A4GNT: variants seen among roughly 807,000 people sequenced by gnomAD.
The protein encoded by A4GNT is alpha-1,4-N-acetylglucosaminyltransferase.
A neutral mutation model predicts 8.3 loss-of-function variants in A4GNT; 6 were observed. The observed-to-expected ratio is 0.72, with a 90% CI of 0.39 to 1.42. A4GNT has a LOEUF of 1.42. Ranked by LOEUF, A4GNT falls within the 40% of genes most tolerant of loss-of-function variation. A4GNT has a pLI of 0.02. For missense variants in A4GNT, 377 were observed against 417.0 expected, an observed-to-expected ratio of 0.90 and a Z score of 0.84; for synonymous variants, 157 against 159.8, an observed-to-expected ratio of 0.98 and a Z score of 0.13.
intron 2 of A4GNT, among the ~76,000 whole-genome samples, chr3:138,125,205 G>C (rs114994687): frequency 5.4e-4 from 82 of 152,230 alleles, no homozygotes; most frequent in African/African-American, 1.6e-3. Context: ...CACTGTATGA[G>C]TCATTCTTCA....
chr3:138,126,984 T>C (rs1465333184), intron 2 of A4GNT, among the ~76,000 whole-genome samples: 2 of 147,576 alleles, frequency 1.4e-5, no homozygotes, highest in East Asian at 4.1e-4. Context: ...CCAAAAAAAA[T>C]AGCCAGGCAT....
chr3:138,123,863 C>T lies in A4GNT; in HGVS notation c.*401G>A, dbSNP rs2042728630. The T allele has an allele frequency of 5.9e-6, 1 of 170,564 alleles. No individual in the cohort carries two copies. Among genetic ancestry groups the T allele is most frequent in the Non-Finnish European group, 1.3e-5 (1 of 79,848 alleles). The allele number at this position is 170,564 out of a possible 1,614,324, so 10.6% of individuals were successfully genotyped here. ...ATAGAACATGTAGCAAAACTGTTAG[C>T]TGCCTATCCCAGTACCCATTTTTTC... On this transcript the variant is annotated 3_prime_UTR_variant, in exon 3 of 3. Coordinates refer to ENST00000236709, the MANE Select transcript of A4GNT (RefSeq NM_016161.3).
At chr3:138,125,952 G>A (rs183729096) in intron 2 of A4GNT, among the ~76,000 whole-genome samples, 117 of 152,298 alleles carry the variant, frequency 7.7e-4, no homozygotes, top group African/African-American at 2.5e-3. Flanking sequence ...GAGGGAGGCC[G>A]GATCATGTAG....
intron 2 of A4GNT, among the ~76,000 whole-genome samples, chr3:138,125,412 T>C (rs1406579166): frequency 6.6e-6 from 1 of 152,212 alleles, no homozygotes; most frequent in African/African-American, 2.4e-5. Context: ...TGAGGGCCTA[T>C]TTACTATGTG....
chr3:138,129,694 A>G (rs1335780844), intron 2 of A4GNT, among the ~76,000 whole-genome samples: 1 of 152,232 alleles, frequency 6.6e-6, no homozygotes, highest in East Asian at 1.9e-4. Flanking sequence ...GAAAATATTT[A>G]CTATCTGGCC....
In A4GNT at chr3:138,131,065, G is replaced by A. The variant is rs374272809; in HGVS notation, c.192C>T (p.Pro64=). Reference sequence around the variant, plus strand: ...ACTCTACGGAACAGGAGACCAAATGGGGTGGCTCCATTCTCTCTGAGGTCT... The same window carrying A: ...ACTCTACGGAACAGGAGACCAAATGAGGTGGCTCCATTCTCTCTGAGGTCT... ...FLETSERMEP[P]HLVSCSVESA... The change falls in exon 2 of 3, where the codon CCC becomes CCT. Residue 64 remains proline, a synonymous_variant. Transcript: ENST00000236709. The A allele has an allele frequency of 7.0e-5, 113 of 1,613,652 alleles. No individual in the cohort carries two copies. The highest frequency in any genetic ancestry group is 8.6e-5 in the Non-Finnish European group (102 of 1,179,770).
chr3:138,126,706 A>G (rs1487594459), intron 2 of A4GNT, among the ~76,000 whole-genome samples: 6 of 150,234 alleles, frequency 4.0e-5, no homozygotes, highest in South Asian at 4.2e-4. Context: ...GGCGCCTGTA[A>G]TCCCAGCTAC....
At position 138,124,892 on chromosome 3, in the gene A4GNT, T is replaced by G. The variant is rs915323710; in HGVS notation, c.409-14A>C. 1 of 1,603,802 alleles carries G rather than the reference T, an allele frequency of 6.2e-7. No homozygotes were observed. The highest frequency in any genetic ancestry group is 8.5e-7 in the Non-Finnish European group (1 of 1,174,204). On this transcript the variant is annotated splice_polypyrimidine_tract_variant and intron_variant, in intron 2 of 2. Transcript: ENST00000236709. ...GCTGGCGTTGATCTGCAGGAGCAGGTGCAAATCAGCCCCAAGTAGCCAGGG... is the reference window on the plus strand; with the variant it reads ...GCTGGCGTTGATCTGCAGGAGCAGGGGCAAATCAGCCCCAAGTAGCCAGGG...
At chr3:138,130,764 T>C in intron 2 of A4GNT, 85 bp downstream of exon 2, 4 of 1,465,728 alleles carry the variant, frequency 2.7e-6, no homozygotes, top group Non-Finnish European at 3.7e-6. Flanking sequence ...ATGTGGGTTC[T>C]ATTCCCATCT....
chr3:138,133,244 A>G (rs113198783), upstream of A4GNT, among the ~76,000 whole-genome samples: 798 of 152,228 alleles, frequency 5.2e-3, 5 homozygotes, highest in African/African-American at 0.018. Context: ...CTGGTTTTCT[A>G]TGTGTCCAAG....
Position 138,124,331 on chromosome 3 carries a change from G to A in A4GNT, c.956C>T (p.Thr319Ile). Residue 319 changes from threonine (T) to isoleucine (I), a missense_variant, in exon 3 of 3, where the codon ACT becomes ATT. By Grantham distance (89) the Thr-to-Ile change is moderately conservative (BLOSUM62 -1). Transcript: ENST00000236709. Reference sequence around the variant, plus strand: ...TGGGCCTTTAATCAGGTCCCTGTAAGTCCTGGGACAGTGCTTGCGATAGAG... The same window carrying A: ...TGGGCCTTTAATCAGGTCCCTGTAAATCCTGGGACAGTGCTTGCGATAGAG... The part of the protein sequence containing the change: ...ENLYRKHCPR[T>I]YRDLIKGPEG... 1.2e-6 allele frequency: 2 copies of A among 1,614,228 alleles called. No individual in the cohort carries two copies. The highest frequency in any genetic ancestry group is 8.5e-7 in the Non-Finnish European group (1 of 1,180,044).
In A4GNT at chr3:138,124,824, G is replaced by T. The variant is rs1257309802; in HGVS notation, c.463C>A (p.Leu155Met). The T allele has an allele frequency of 1.9e-6, 3 of 1,613,778 alleles. No individual in the cohort carries two copies. The Admixed American group carries it at 5.0e-5, about 27-fold the overall frequency. Residue 155 changes from leucine (L) to methionine (M), a missense_variant, in exon 3 of 3, where the codon CTG (leucine) becomes ATG (methionine). Transcript: ENST00000236709. ...WLHISSDASR[L>M]AIIWKYGGIY... ...CCACCGTATTTCCAGATGATGGCCA[G>T]GCGGGATGCATCCGAGCTGATGTGG...
rs778446390 is a variant in A4GNT, at chr3:138,131,038, A to T, written c.219T>A (p.Ser73=). 6.2e-7 allele frequency: 1 copy of T among 1,614,180 alleles called. No homozygotes were observed. Among genetic ancestry groups the T allele is most frequent in the Non-Finnish European group, 8.5e-7 (1 of 1,180,012 alleles). ...PPHLVSCSVE[S]AAKIYPEWPV... Reference sequence around the variant, plus strand: ...GCCACTCAGGATAAATCTTGGCAGCAGACTCTACGGAACAGGAGACCAAAT... The same window carrying T: ...GCCACTCAGGATAAATCTTGGCAGCTGACTCTACGGAACAGGAGACCAAAT... The change falls in exon 2 of 3, where the codon TCT becomes TCA. Residue 73 remains serine (S), a synonymous_variant. Transcript: ENST00000236709.
chr3:138,123,935 G>A lies in A4GNT; in HGVS notation c.*329C>T. 1 of 246,388 alleles carries A rather than the reference G, an allele frequency of 4.1e-6. No individual in the cohort carries two copies. Among genetic ancestry groups the A allele is most frequent in the Non-Finnish European group, 7.9e-6 (1 of 127,090 alleles). 15.3% of individuals were successfully genotyped at this position (246,388 alleles called of 1,614,324 possible). ...CTCTCTTGCAGCTACATCTCAGTCAGTGCAATGTAAGAGAAAGTGTTATAC... is the reference window on the plus strand; with the variant it reads ...CTCTCTTGCAGCTACATCTCAGTCAATGCAATGTAAGAGAAAGTGTTATAC... On this transcript the variant is annotated 3_prime_UTR_variant, in exon 3 of 3. Coordinates refer to ENST00000236709, the MANE Select transcript of A4GNT (RefSeq NM_016161.3).
intron 2 of A4GNT, 120 bp from the exon 3 acceptor site, chr3:138,124,998 T>A (rs2042737434): frequency 1.5e-6 from 2 of 1,306,334 alleles, no homozygotes; most frequent in Non-Finnish European, 2.1e-6. Flanking sequence ...CCCAAAATCC[T>A]ATTTGCCACA....
intron 2 of A4GNT, among the ~76,000 whole-genome samples, chr3:138,130,528 A>G (rs1049604037): frequency 6.6e-6 from 1 of 152,250 alleles, no homozygotes; most frequent in Admixed American, 6.5e-5. Context: ...AAAGTTTAAC[A>G]TAAGTGGATT....
chr3:138,127,137 A>C (rs532709895), intron 2 of A4GNT, among the ~76,000 whole-genome samples: 1,944 of 151,382 alleles, frequency 0.013, 46 homozygotes, highest in African/African-American at 0.043. Flanking sequence ...AAAAAAAAAA[A>C]AAACAATAAT....
chr3:138,125,432 A>G (rs1020767586), intron 2 of A4GNT, among the ~76,000 whole-genome samples: 1 of 152,234 alleles, frequency 6.6e-6, no homozygotes. Flanking sequence ...GCCGAATTCT[A>G]TTAAAACTGC....
intron 2 of A4GNT, among the ~76,000 whole-genome samples, chr3:138,130,547 T>A (rs1261882322): frequency 6.6e-6 from 1 of 151,934 alleles, no homozygotes; most frequent in Non-Finnish European, 1.5e-5. Flanking sequence ...TTTAAAACTG[T>A]AGTGAAAAAT....
Sources: allele counts gnomAD v4.1 joint callset (sites outside exome capture counted in the v4.1 genomes callset), GRCh38; gene constraint gnomAD v4.1.1; transcripts MANE v1.5; gene names NCBI Gene and HGNC (gene_info 2026-07-23, HGNC 2026-07-21).